Variants in KIAA1614 observed in about 807,000 individuals in gnomAD.
KIAA1614 encodes the protein KIAA1614, also known as uncharacterized protein KIAA1614.
Under a neutral mutation model 88.7 loss-of-function variants are expected in KIAA1614, and 76 were observed. That is an observed-to-expected ratio of 0.86 (90% CI 0.71 to 1.04). The LOEUF (loss-of-function observed/expected upper bound fraction) is 1.04. Ranked by LOEUF, KIAA1614 falls within the 50% of genes least tolerant of loss-of-function variation. KIAA1614 has a pLI of 0.00. For missense variants in KIAA1614, 1,553 were observed against 1,582.5 expected (o/e 0.98, Z 0.32); for synonymous variants, 714 against 675.5 (o/e 1.06, Z -0.88).
intron 7 of KIAA1614, among the ~76,000 whole-genome samples, chr1:180,941,739 C>T (rs1296901619): frequency 3.9e-5 from 6 of 152,340 alleles, no homozygotes; most frequent in South Asian, 2.1e-4. Flanking sequence ...AATCCGACCA[C>T]GCCACCCCCT....
intron 7 of KIAA1614, among the ~76,000 whole-genome samples, chr1:180,943,547 G>GGTTTTTTTTTTTTTTTTTT (rs1558073455): frequency 6.4e-5 from 1 of 15,610 alleles, no homozygotes; most frequent in Non-Finnish European, 1.2e-4. Context: ...AATGGTAGTA[G>GGTTTTTTTTTTTTTTTTTT]ATCTTTTTTT....
At chr1:180,941,006 G>GGGGGCC in intron 6 of KIAA1614, 39 bp from the exon 7 acceptor site, 1 of 908,444 alleles carries the variant, frequency 1.1e-6, no homozygotes. Context: ...CACCCTCCCG[G>GGGGGCC]CCCTCCCCCG....
rs1302177720 is a variant in KIAA1614 at position 180,938,592 on chromosome 1, C to T, written c.2799C>T (p.Ala933=). The T allele has an allele frequency of 6.2e-7, 1 of 1,614,132 alleles. No homozygotes were observed. Among genetic ancestry groups the T allele is most frequent in the Non-Finnish European group, 8.5e-7 (1 of 1,179,996 alleles). Residue 933 remains alanine, a synonymous_variant, in exon 6 of 9, where the codon GCC becomes GCT. Transcript: ENST00000367588. ...GCTTTCTTGGCTCAGCAGATGTTGC[C>T]ACCATCAACTCCACGGGCATCACCC... ...PQGFLGSADV[A]TINSTGITLS... is the part of the protein sequence containing the mutation.
intron 3 of KIAA1614, among the ~76,000 whole-genome samples, chr1:180,921,664 G>A (rs1257308250): frequency 6.6e-6 from 1 of 152,174 alleles, no homozygotes; most frequent in Non-Finnish European, 1.5e-5. Flanking sequence ...CTCAGGTGTG[G>A]GCAAAGAAGG....
In KIAA1614 at chr1:180,950,757, A is replaced by C. The variant is rs1654712788; in HGVS notation, c.*5169A>C. The C allele has an allele frequency of 6.5e-6, 1 of 153,738 alleles. No homozygotes were observed. The highest frequency in any genetic ancestry group is 2.0e-4 in the South Asian group (1 of 4,902). The allele number at this position is 153,738 out of a possible 1,614,324, so 9.5% of individuals were successfully genotyped here. A position where few individuals can be genotyped will look rare whatever the true frequency, so the allele number is the denominator to read the frequency against. On this transcript the variant is annotated 3_prime_UTR_variant, in exon 9 of 9. Transcript: ENST00000367588. ...AGGCCATTTATCCAGAACTAGAAAA[A>C]GAAAAAAATGGGTCTCCTTCCATGT...
In KIAA1614 at chr1:180,945,812, T is replaced by G. The variant is rs2102278671; in HGVS notation, c.*224T>G. On this transcript the variant is annotated 3_prime_UTR_variant, in exon 9 of 9. Coordinates refer to ENST00000367588, the MANE Select transcript of KIAA1614 (RefSeq NM_020950.2). ...CCTGCTGTCTGATGACATCTTGAAA[T>G]TAGAAGCTTAGGCCGGGCGCAGTGG... The G allele has an allele frequency of 7.5e-7, 1 of 1,327,422 alleles. No individual in the cohort carries two copies. 82.2% of individuals were successfully genotyped at this position (1,327,422 alleles called of 1,614,324 possible).
At position 180,941,176 on chromosome 1, in the gene KIAA1614, C is replaced by T. The variant is rs1230405691; in HGVS notation, c.3050C>T (p.Ser1017Phe). The T allele has an allele frequency of 6.2e-7, 1 of 1,613,856 alleles. No individual in the cohort carries two copies. The highest frequency in any genetic ancestry group is 1.7e-5 in the Admixed American group (1 of 60,014). The change falls in exon 7 of 9, where the codon TCC becomes TTC. Residue 1017 changes from serine (S) to phenylalanine (F), a missense_variant. By Grantham distance (155) the Ser-to-Phe change is radical. Transcript: ENST00000367588. ...KKLFSALGQS[S>F]RPKLGKSRSY... The stretch of plus-strand genomic sequence containing the variant: ...CTCTTCTCAGCCCTGGGCCAGAGTT[C>T]CCGGCCCAAGCTGGGCAAGTCCCGC...
intron 6 of KIAA1614, among the ~76,000 whole-genome samples, chr1:180,939,509 T>C (rs1654408952): frequency 6.6e-6 from 1 of 152,134 alleles, no homozygotes; most frequent in African/African-American, 2.4e-5. Context: ...TCTCTCCCAC[T>C]GTAACCCTCT....
chr1:180,922,080 G>A (rs1653964995), intron 3 of KIAA1614, among the ~76,000 whole-genome samples: 1 of 152,366 alleles, frequency 6.6e-6, no homozygotes, highest in Admixed American at 6.5e-5. Context: ...CCAGCCCGAG[G>A]CCCTCGGCCT....
At chr1:180,931,373 A>G (rs1378377040) in intron 4 of KIAA1614, among the ~76,000 whole-genome samples, 1 of 152,150 alleles carries the variant, frequency 6.6e-6, no homozygotes, top group African/African-American at 2.4e-5. Context: ...AATGCTATGG[A>G]AAGTGGGACT....
chr1:180,937,440 G>A (rs994022691), intron 5 of KIAA1614, among the ~76,000 whole-genome samples: 2 of 152,194 alleles, frequency 1.3e-5, no homozygotes, highest in Non-Finnish European at 2.9e-5. Flanking sequence ...CTTTGCCTTT[G>A]GAAGGGGTCC....
At chr1:180,943,436 A>G (rs1654513848) in intron 7 of KIAA1614, among the ~76,000 whole-genome samples, 1 of 118,076 alleles carries the variant, frequency 8.5e-6, no homozygotes, top group East Asian at 2.4e-4. Flanking sequence ...CACACCATGT[A>G]CACAGCAGCA....
Position 180,932,673 on chromosome 1 carries a change from G to A in KIAA1614, c.1206-2442G>A, listed in dbSNP as rs142795443. Among the ~76,000 whole-genome samples the A allele has an allele frequency of 9.6e-3, 1,459 of 152,232 alleles. 10 individuals carry two copies. Among genetic ancestry groups the A allele is most frequent in the Non-Finnish European group, 0.016 (1,096 of 68,018 alleles). Reference sequence around the variant, plus strand: ...AGGATCTGCTGAAATCTCAAAGCAGGCAGATCTACTTGCTTAGGAGGAGTT... The same window carrying A: ...AGGATCTGCTGAAATCTCAAAGCAGACAGATCTACTTGCTTAGGAGGAGTT... On this transcript the variant is annotated intron_variant, in intron 4 of 8. Transcript: ENST00000367588.
chr1:180,931,969 G>A (rs1654206906), intron 4 of KIAA1614, among the ~76,000 whole-genome samples: 2 of 152,078 alleles, frequency 1.3e-5, no homozygotes, highest in Non-Finnish European at 2.9e-5. Flanking sequence ...TCTGTGCAGT[G>A]GGCTAGGCTG....
intron 7 of KIAA1614, among the ~76,000 whole-genome samples, chr1:180,942,274 G>A (rs1352864557): frequency 1.3e-5 from 2 of 152,222 alleles, no homozygotes; most frequent in African/African-American, 4.8e-5. Context: ...GGTGGGACGC[G>A]CAGGGCAGCT....
rs1330869958 is a variant in KIAA1614, at chr1:180,950,399, G to A, written c.*4811G>A. The A allele has an allele frequency of 1.6e-6, 2 of 1,234,906 alleles. No homozygotes were observed. Among genetic ancestry groups the A allele is most frequent in the Non-Finnish European group, 2.1e-6 (2 of 960,546 alleles). 76.5% of individuals were successfully genotyped at this position (1,234,906 alleles called of 1,614,324 possible). A position where few individuals can be genotyped will look rare whatever the true frequency, so the allele number is the denominator to read the frequency against. On this transcript the variant is annotated 3_prime_UTR_variant, in exon 9 of 9. Transcript: ENST00000367588. ...GGCCAAGCTGTACTCAGGGCTGCTG[G>A]GGGTGGGCGATGAGATCCTCGAGGT...
chr1:180,934,185 C>A (rs551483200), intron 4 of KIAA1614, among the ~76,000 whole-genome samples: 1 of 143,158 alleles, frequency 7.0e-6, no homozygotes, highest in South Asian at 2.2e-4. Context: ...ACCTGGGAGG[C>A]GGAGGTTGCG....
chr1:180,935,194 G>A lies in KIAA1614; in HGVS notation c.1285G>A (p.Asp429Asn), dbSNP rs377693410. The A allele has an allele frequency of 2.7e-6, 4 of 1,486,162 alleles. No homozygotes were observed. The African/African-American group carries it at 4.4e-5, about 16-fold the overall frequency. 92.1% of individuals were successfully genotyped at this position (1,486,162 alleles called of 1,614,324 possible). A position where few individuals can be genotyped will look rare whatever the true frequency, so the allele number is the denominator to read the frequency against. ...RDSLQNGHTS[D>N]SSSGESSGGH... ...CAGCCTCCAGAACGGGCACACGAGCGATTCCTCCAGCGGAGAGTCCAGCGG... is the reference window on the plus strand; with the variant it reads ...CAGCCTCCAGAACGGGCACACGAGCAATTCCTCCAGCGGAGAGTCCAGCGG... Residue 429 changes from aspartate (D) to asparagine (N), a missense_variant, in exon 5 of 9, where the codon GAT (aspartate) becomes AAT (asparagine). Coordinates refer to ENST00000367588, the MANE Select transcript of KIAA1614 (RefSeq NM_020950.2). The surrounding 1 kb of genome is among the most constrained non-coding windows in gnomAD (Gnocchi z 6.1).
rs1401336034 is a variant in KIAA1614, at chr1:180,935,281, C to G, written c.1372C>G (p.Arg458Gly). 4 of 1,505,578 alleles carry G rather than the reference C, an allele frequency of 2.7e-6. No individual in the cohort carries two copies. Among genetic ancestry groups the G allele is most frequent in the African/African-American group, 1.4e-5 (1 of 69,012 alleles). The allele number at this position is 1,505,578 out of a possible 1,614,324, so 93.3% of individuals were successfully genotyped here. A position where few individuals can be genotyped will look rare whatever the true frequency, so the allele number is the denominator to read the frequency against. Residue 458 changes from arginine to glycine, a missense_variant, in exon 5 of 9, where the codon CGC becomes GGC. Physicochemically the swap from Arg to Gly is moderately radical, Grantham distance 125 (BLOSUM62 -2). Coordinates refer to ENST00000367588, the MANE Select transcript of KIAA1614 (RefSeq NM_020950.2). The surrounding 1 kb of genome is among the most constrained non-coding windows in gnomAD (Gnocchi z 6.1). Reference sequence around the variant, plus strand: ...CGTGCGCTTTGAGGATGAGTCCGCCCGCGAAGCCGAGTTCCGTCACCTGGA... The same window carrying G: ...CGTGCGCTTTGAGGATGAGTCCGCCGGCGAAGCCGAGTTCCGTCACCTGGA... ...SHVRFEDESAREAEFRHLERL... is the reference protein window; with the variant it reads ...SHVRFEDESAGEAEFRHLERL...
Sources: gnomAD v4.1 joint callset for allele counts (sites outside exome capture counted in the v4.1 genomes callset) on GRCh38, gnomAD v4.1.1 for gene constraint, Gnocchi (gnomAD v3.1) non-coding constraint, MANE v1.5 for transcripts, NCBI Gene and HGNC (gene_info 2026-07-23, HGNC 2026-07-21) for gene names.